The following PTPRD variants were observed in gnomAD, a reference collection of about 807,000 sequenced individuals.
PTPRD encodes the protein receptor-type tyrosine-protein phosphatase delta.
In PTPRD, 34 loss-of-function variants were observed where a neutral mutation model predicts 214.5. The observed-to-expected ratio is 0.16, with a 90% CI of 0.12 to 0.21. The LOEUF (loss-of-function observed/expected upper bound fraction) is 0.21. Among genes scored for constraint, PTPRD ranks in the 10% least tolerant of loss-of-function variants. The pLI, the probability that PTPRD is intolerant of heterozygous loss-of-function variation, is 1.00. For missense variants in PTPRD, 2,545 were observed against 2,398.7 expected, an observed-to-expected ratio of 1.06 and a Z score of -1.27; for synonymous variants, 1,128 against 845.7, an observed-to-expected ratio of 1.33 and a Z score of -5.79.
chr9:9,827,705 T>C (rs181673512), intron 5 of PTPRD, among the ~76,000 whole-genome samples: 8 of 152,112 alleles, frequency 5.3e-5, no homozygotes, highest in African/African-American at 1.9e-4. Flanking sequence ...GAAACTATCA[T>C]CAGAATGAAC....
At chr9:10,256,781 T>C (rs2093316141) in intron 3 of PTPRD, among the ~76,000 whole-genome samples, 2 of 152,176 alleles carry the variant, frequency 1.3e-5, no homozygotes, top group South Asian at 2.1e-4. Flanking sequence ...CTTTTGAAAA[T>C]GGCAGGTTTC....
intron 8 of PTPRD, among the ~76,000 whole-genome samples, chr9:9,465,653 T>A (rs2094085579): frequency 6.6e-6 from 1 of 152,224 alleles, no homozygotes; most frequent in Admixed American, 6.5e-5. Context: ...TTTTTGCCTT[T>A]TTCTATGCCC....
intron 2 of PTPRD, among the ~76,000 whole-genome samples, chr9:10,588,758 C>T (rs2074620097): frequency 6.6e-6 from 1 of 151,678 alleles, no homozygotes. Flanking sequence ...TCCTTTAGGT[C>T]TTTAGTCAAA....
chr9:9,684,693 T>TTGTGTGTGTGTGTGTGTGTG (rs138242584), intron 7 of PTPRD, among the ~76,000 whole-genome samples: 14 of 149,052 alleles, frequency 9.4e-5, no homozygotes, highest in African/African-American at 3.4e-4. Flanking sequence ...AATACAGCAT[T>TTGTGTGTGTGTGTGTGTGTG]TGTGTGTGTG....
At chr9:9,984,334 G>A (rs1320503962) in intron 4 of PTPRD, among the ~76,000 whole-genome samples, 1 of 152,140 alleles carries the variant, frequency 6.6e-6, no homozygotes, top group Non-Finnish European at 1.5e-5. Flanking sequence ...CTAGGACTGG[G>A]AAAAAGTAGC....
intron 5 of PTPRD, among the ~76,000 whole-genome samples, chr9:9,888,896 C>A (rs1373238907): frequency 6.6e-6 from 1 of 152,058 alleles, no homozygotes; most frequent in Non-Finnish European, 1.5e-5. Context: ...TATTGCAGTA[C>A]CTCTTTTTAT....
At chr9:8,856,772 C>T (rs1026153691) in intron 11 of PTPRD, among the ~76,000 whole-genome samples, 1 of 152,090 alleles carries the variant, frequency 6.6e-6, no homozygotes, top group African/African-American at 2.4e-5. Flanking sequence ...TCCTGGAACA[C>T]CAAATTAATG....
At chr9:10,416,185 T>TA (rs113992952) in intron 2 of PTPRD, among the ~76,000 whole-genome samples, 443 of 142,864 alleles carry the variant, frequency 3.1e-3, no homozygotes, top group Middle Eastern at 7.2e-3. Flanking sequence ...CCACCTCTAC[T>TA]AAAAAAAAAA....
At chr9:9,871,516 C>G (rs2065420295) in intron 5 of PTPRD, among the ~76,000 whole-genome samples, 1 of 152,216 alleles carries the variant, frequency 6.6e-6, no homozygotes. Flanking sequence ...ATTTCTAACT[C>G]TAGCTCTTCA....
At chr9:9,732,586 A>G (rs540944998) in intron 7 of PTPRD, among the ~76,000 whole-genome samples, 4 of 152,254 alleles carry the variant, frequency 2.6e-5, no homozygotes, top group African/African-American at 4.8e-5. Context: ...CAGCTTTAGG[A>G]TGGAAAAAGT....
intron 10 of PTPRD, among the ~76,000 whole-genome samples, chr9:9,088,895 G>A (rs749516810): frequency 1.5e-4 from 23 of 152,114 alleles, no homozygotes; most frequent in Admixed American, 1.2e-3. Context: ...TGTTATAATA[G>A]GTAATTATAG....
chr9:10,122,554 G>C (rs1034548468), intron 3 of PTPRD, among the ~76,000 whole-genome samples: 15 of 152,206 alleles, frequency 9.9e-5, no homozygotes, highest in Non-Finnish European at 1.8e-4. Context: ...TTGATATCAT[G>C]CTGAAATGGA....
chr9:8,796,968 C>G (rs1481069515), intron 11 of PTPRD, among the ~76,000 whole-genome samples: 2 of 151,022 alleles, frequency 1.3e-5, no homozygotes, highest in African/African-American at 4.9e-5. Flanking sequence ...TTGAATAATC[C>G]AAGTAAAATT....
intron 33 of PTPRD, among the ~76,000 whole-genome samples, chr9:8,452,736 C>T (rs1415647169): frequency 6.6e-6 from 1 of 152,106 alleles, no homozygotes; most frequent in Non-Finnish European, 1.5e-5. Context: ...ACTGCTAATA[C>T]TATAAAAGCA....
At chr9:8,361,862 A>T (rs2078579491) in intron 39 of PTPRD, among the ~76,000 whole-genome samples, 1 of 152,204 alleles carries the variant, frequency 6.6e-6, no homozygotes. Context: ...AAGTGTACAG[A>T]AGTCCCCCAC....
At chr9:9,840,380 CTT>C (rs939137574) in intron 5 of PTPRD, among the ~76,000 whole-genome samples, 18 of 152,138 alleles carry the variant, frequency 1.2e-4, no homozygotes, top group East Asian at 5.8e-4. Context: ...GAAAAATAGA[CTT>C]TGTTTTTTTC....
intron 2 of PTPRD, among the ~76,000 whole-genome samples, chr9:10,451,870 A>G (rs1426476313): frequency 6.6e-6 from 1 of 152,042 alleles, no homozygotes; most frequent in Non-Finnish European, 1.5e-5. Context: ...CGTATGTTAC[A>G]TACCACAGTA....
chr9:8,791,049 A>T (rs2096210213), intron 11 of PTPRD, among the ~76,000 whole-genome samples: 3 of 152,186 alleles, frequency 2.0e-5, no homozygotes, highest in Admixed American at 2.0e-4. Context: ...GTGAATATCA[A>T]GATTACATCA....
At chr9:9,198,894 C>A (rs2099940228) in intron 9 of PTPRD, among the ~76,000 whole-genome samples, 1 of 152,164 alleles carries the variant, frequency 6.6e-6, no homozygotes, top group Non-Finnish European at 1.5e-5. Context: ...TATGGAAGGT[C>A]TGCTTTTGAT....
Sources: gnomAD v4.1 joint callset for allele counts (sites outside exome capture counted in the v4.1 genomes callset) on GRCh38, gnomAD v4.1.1 for gene constraint, MANE v1.5 for transcripts, NCBI Gene and HGNC (gene_info 2026-07-23, HGNC 2026-07-21) for gene names.